The following STK32B variants were observed in gnomAD, a reference collection of about 807,000 sequenced individuals.
STK32B encodes the protein serine/threonine-protein kinase 32B.
A neutral mutation model predicts 52.6 loss-of-function variants in STK32B; 43 were observed. The ratio of observed to expected loss-of-function variants is 0.82; its 90% CI spans 0.64 to 1.05. The LOEUF (loss-of-function observed/expected upper bound fraction) is 1.05, where lower values mean the gene tolerates loss of function less well. STK32B is among the 50% of genes least tolerant of loss of function. The pLI is 0.00. For missense variants in STK32B, 621 were observed against 534.6 expected, an observed-to-expected ratio of 1.16 and a Z score of -1.59; for synonymous variants, 238 against 204.3, an observed-to-expected ratio of 1.17 and a Z score of -1.41.
At chr4:5,137,556 G>T (rs952517384) in intron 1 of STK32B, among the ~76,000 whole-genome samples, 43 of 152,246 alleles carry the variant, frequency 2.8e-4, no homozygotes, top group South Asian at 2.1e-4. Flanking sequence ...GTTGTAGTGT[G>T]CCAGGCATGA....
chr4:5,354,376 C>T (rs893661635), intron 4 of STK32B, among the ~76,000 whole-genome samples: 1 of 152,224 alleles, frequency 6.6e-6, no homozygotes, highest in African/African-American at 2.4e-5. Context: ...AGGGATTCTC[C>T]TGCCTCAGTC....
At chr4:5,124,737 T>C (rs182091180) in intron 1 of STK32B, among the ~76,000 whole-genome samples, 22 of 152,312 alleles carry the variant, frequency 1.4e-4, no homozygotes, top group African/African-American at 5.3e-4. Flanking sequence ...CATGTGTGTA[T>C]GTGTGAGCAT....
At chr4:5,104,425 C>T (rs150616097) in intron 1 of STK32B, among the ~76,000 whole-genome samples, 1 of 152,278 alleles carries the variant, frequency 6.6e-6, no homozygotes, top group African/African-American at 2.4e-5. Context: ...TCTTTATTAG[C>T]AGCATAAGAA....
intron 3 of STK32B, among the ~76,000 whole-genome samples, chr4:5,321,715 A>G (rs1037758745): frequency 6.6e-6 from 1 of 151,864 alleles, no homozygotes; most frequent in African/African-American, 2.4e-5. Flanking sequence ...ATACAGATAG[A>G]TAGCACTTTA....
At chr4:5,086,838 G>C (rs1378070163) in intron 1 of STK32B, among the ~76,000 whole-genome samples, 1 of 152,186 alleles carries the variant, frequency 6.6e-6, no homozygotes, top group Non-Finnish European at 1.5e-5. Flanking sequence ...TTGTATATCT[G>C]AAAAACTATC....
At chr4:5,200,130 AC>A (rs1436499775) in intron 3 of STK32B, among the ~76,000 whole-genome samples, 2 of 152,118 alleles carry the variant, frequency 1.3e-5, no homozygotes, top group African/African-American at 4.8e-5. Flanking sequence ...AATGGGAATA[AC>A]GTCTAGTTCT....
At chr4:5,437,311 T>C (rs1714171247) in intron 6 of STK32B, among the ~76,000 whole-genome samples, 1 of 152,232 alleles carries the variant, frequency 6.6e-6, no homozygotes, top group Non-Finnish European at 1.5e-5. Context: ...GAAAGTCCAA[T>C]ATCAAGGGGC....
At chr4:5,482,595 T>A (rs1436995330) in intron 11 of STK32B, among the ~76,000 whole-genome samples, 1 of 152,196 alleles carries the variant, frequency 6.6e-6, no homozygotes, top group Non-Finnish European at 1.5e-5. Flanking sequence ...TCCTGCCTGA[T>A]TGCCCTGGCC....
intron 7 of STK32B, 138 bp downstream of exon 7, chr4:5,446,914 T>C (rs1040938583): frequency 2.2e-5 from 16 of 730,732 alleles, no homozygotes; most frequent in Non-Finnish European, 3.4e-5. Flanking sequence ...GTTTCAGTCC[T>C]GATGCCTGTG....
At chr4:5,088,940 C>T (rs990713140) in intron 1 of STK32B, among the ~76,000 whole-genome samples, 42 of 150,588 alleles carry the variant, frequency 2.8e-4, no homozygotes, top group African/African-American at 8.6e-4. Context: ...GGAAATGCTA[C>T]GAATTAGAAT....
chr4:5,120,066 T>C (rs1485989178), intron 1 of STK32B, among the ~76,000 whole-genome samples: 1 of 152,224 alleles, frequency 6.6e-6, no homozygotes, highest in Non-Finnish European at 1.5e-5. Context: ...GCCCTTCTTC[T>C]AAGTAGCGTG....
chr4:5,082,614 G>T (rs1209158245), intron 1 of STK32B, among the ~76,000 whole-genome samples: 1 of 152,080 alleles, frequency 6.6e-6, no homozygotes. Flanking sequence ...TTTTGACAAT[G>T]AATGAATACA....
At chr4:5,435,439 C>G (rs144479314) in intron 6 of STK32B, among the ~76,000 whole-genome samples, 5 of 152,244 alleles carry the variant, frequency 3.3e-5, no homozygotes, top group African/African-American at 1.2e-4. Context: ...TGTGTCGTCC[C>G]AGAGCAACTC....
chr4:5,278,471 T>G (rs1468148522), intron 3 of STK32B, among the ~76,000 whole-genome samples: 3 of 152,140 alleles, frequency 2.0e-5, no homozygotes, highest in African/African-American at 7.2e-5. Context: ...ACTGGGGACC[T>G]TCCAAAGACT....
At chr4:5,099,535 G>T (rs150771870) in intron 1 of STK32B, among the ~76,000 whole-genome samples, 15 of 152,280 alleles carry the variant, frequency 9.9e-5, no homozygotes, top group East Asian at 5.8e-4. Context: ...ATGCCCAGGA[G>T]TTAGGGGAAG....
upstream of STK32B, among the ~76,000 whole-genome samples, chr4:5,046,688 G>A (rs1398202754): frequency 2.0e-5 from 3 of 151,884 alleles, no homozygotes; most frequent in East Asian, 1.9e-4. Context: ...GATATGAACC[G>A]ACACTTCTCA....
rs1357360886 is a variant in STK32B, at chr4:5,396,476, C to G, written c.435-1731C>G. Reference sequence around the variant, plus strand: ...CCATATAGGGTCCCATTCTGAAGTTCTGGGTGGACATGAATTTTGAAGGGA... The same window carrying G: ...CCATATAGGGTCCCATTCTGAAGTTGTGGGTGGACATGAATTTTGAAGGGA... On this transcript the variant is annotated intron_variant, in intron 4 of 11. Coordinates refer to ENST00000282908, the MANE Select transcript of STK32B (RefSeq NM_018401.3). This position sits in a 1 kb window ranked among gnomAD's most constrained non-coding sequence, Gnocchi z 4.7. Among the ~76,000 whole-genome samples the G allele has an allele frequency of 3.3e-5, 5 of 152,198 alleles. No individual in the cohort carries two copies. Among genetic ancestry groups the G allele is most frequent in the Admixed American group, 3.3e-4 (5 of 15,286 alleles).
chr4:5,440,394 G>C (rs143774061), intron 6 of STK32B, among the ~76,000 whole-genome samples: 13,764 of 152,124 alleles, frequency 0.09, 994 homozygotes, highest in East Asian at 0.4. Flanking sequence ...CTCATGATTT[G>C]GCACTCTGTT....
intron 4 of STK32B, among the ~76,000 whole-genome samples, chr4:5,346,572 A>G (rs1418863602): frequency 2.0e-5 from 3 of 152,158 alleles, no homozygotes; most frequent in Non-Finnish European, 1.5e-5. Context: ...GTGTGTAGAC[A>G]GGGTCCAGGC....
Sources: allele counts gnomAD v4.1 joint callset (sites outside exome capture counted in the v4.1 genomes callset), GRCh38; gene constraint gnomAD v4.1.1; non-coding constraint Gnocchi (gnomAD v3.1); transcripts MANE v1.5; gene names NCBI Gene and HGNC (gene_info 2026-07-23, HGNC 2026-07-21).